NDUFS7: variants seen among roughly 807,000 people sequenced by gnomAD.
The protein encoded by NDUFS7 is NADH:ubiquinone oxidoreductase core subunit S7, also known as NADH dehydrogenase [ubiquinone] iron-sulfur protein 7, mitochondrial.
NDUFS7 carries 11 observed loss-of-function variants against 31.1 expected under a neutral mutation model. The ratio of observed to expected loss-of-function variants is 0.35; its 90% CI spans 0.22 to 0.59. NDUFS7 has a LOEUF of 0.59. Among genes scored for constraint, NDUFS7 ranks in the 20% least tolerant of loss-of-function variants. NDUFS7 has a pLI of 0.79. For synonymous variants in NDUFS7, 136 were observed against 127.9 expected (o/e 1.06, Z -0.43); for missense variants, 263 against 324.2 (o/e 0.81, Z 1.45).
At chr19:1,394,252 AC>A in intron 7 of NDUFS7, 1 of 710,216 alleles carries the variant, frequency 1.4e-6, no homozygotes, top group Non-Finnish European at 2.1e-6. Context: ...GGTTCAGGTC[AC>A]CCCGGGGGCA....
intron 2 of NDUFS7, 167 bp from the exon 3 acceptor site, chr19:1,388,358 C>T (rs914985407): frequency 8.9e-6 from 6 of 676,662 alleles, no homozygotes; most frequent in South Asian, 1.7e-5. Flanking sequence ...GGGGTCGGGG[C>T]GATGGCCGCA....
chr19:1,389,232 TGCACTCATGC>T (rs1387974281), intron 4 of NDUFS7: 2 of 664,656 alleles, frequency 3.0e-6, no homozygotes, highest in South Asian at 1.5e-5. Flanking sequence ...CATGCACACT[TGCACTCATGC>T]ACACTCATGC....
chr19:1,387,655 C>A (rs2082516363), intron 1 of NDUFS7, 156 bp from the exon 2 acceptor site: 6 of 701,598 alleles, frequency 8.6e-6, no homozygotes, highest in Non-Finnish European at 1.5e-5. Flanking sequence ...CTCTCGTGTT[C>A]TGAAAACCCC....
chr19:1,389,302 C>T (rs1022292150), intron 4 of NDUFS7: 4 of 538,244 alleles, frequency 7.4e-6, no homozygotes, highest in Non-Finnish European at 1.1e-5. Context: ...CACATATATG[C>T]ACAGTCATGC....
At chr19:1,387,533 G>T (rs1373678506) in intron 1 of NDUFS7, among the ~76,000 whole-genome samples, 2 of 152,228 alleles carry the variant, frequency 1.3e-5, no homozygotes. Context: ...CCAGTGCGGG[G>T]GCCCTGGCGC....
At chr19:1,395,218 G>T in intron 7 of NDUFS7, 173 bp from the exon 8 acceptor site, 2 of 1,430,332 alleles carry the variant, frequency 1.4e-6, no homozygotes, top group Non-Finnish European at 1.8e-6. Flanking sequence ...CTTCCTGCAG[G>T]GACCTCCCCT....
rs935816828 is a variant in NDUFS7 at position 1,394,447 on chromosome 19, C to T, written c.545-944C>T. 2.0e-5 allele frequency: 26 copies of T among 1,276,640 alleles called. No individual in the cohort carries two copies. The African/African-American group carries it at 3.8e-4, about 19-fold the overall frequency. The allele number at this position is 1,276,640 out of a possible 1,614,324, so 79.1% of individuals were successfully genotyped here. ...AGCTCCTCCCTCCCTGGGGACCGCG[C>T]TCCTCCCTCCCTGCGGACTGTGCTC... On this transcript the variant is annotated intron_variant, in intron 7 of 7. Coordinates refer to ENST00000233627, the MANE Select transcript of NDUFS7 (RefSeq NM_024407.5).
intron 1 of NDUFS7, among the ~76,000 whole-genome samples, chr19:1,385,794 G>C (rs2082503897): frequency 6.6e-6 from 1 of 152,196 alleles, no homozygotes; most frequent in Non-Finnish European, 1.5e-5. Flanking sequence ...ACTCCAGCCT[G>C]GGTGACAAGA....
chr19:1,392,238 G>C (rs1042382054), intron 6 of NDUFS7: 3 of 152,186 alleles, frequency 2.0e-5, no homozygotes, highest in Admixed American at 6.6e-5. Context: ...CTGCAGCCTT[G>C]ACCTCCTGGG....
chr19:1,389,083 TCA>T (rs1180301794), intron 4 of NDUFS7, 145 bp downstream of exon 4: 20 of 761,536 alleles, frequency 2.6e-5, no homozygotes, highest in Admixed American at 1.2e-4. Flanking sequence ...GCATGCAAGC[TCA>T]CATGTATGGA....
rs1352223547 is a variant in NDUFS7 at position 1,393,130 on chromosome 19, C to T, written c.456-112C>T. Reference sequence around the variant, plus strand: ...GCTTCTCCGTGACAAGTTCCAGCCTCGTAGGTGCCTGGCCTGCAGTTGAAG... The same window carrying T: ...GCTTCTCCGTGACAAGTTCCAGCCTTGTAGGTGCCTGGCCTGCAGTTGAAG... On this transcript the variant is annotated intron_variant, in intron 6 of 7. Coordinates refer to ENST00000233627, the MANE Select transcript of NDUFS7 (RefSeq NM_024407.5). This position sits in a 1 kb window ranked among gnomAD's most constrained non-coding sequence, Gnocchi z 7.3. 2 of 815,808 alleles carry T rather than the reference C, an allele frequency of 2.5e-6. No individual in the cohort carries two copies. The highest frequency in any genetic ancestry group is 1.7e-5 in the African/African-American group (1 of 58,246). The allele number at this position is 815,808 out of a possible 1,614,324, so 50.5% of individuals were successfully genotyped here. A position where few individuals can be genotyped will look rare whatever the true frequency, so the allele number is the denominator to read the frequency against.
At chr19:1,394,466 T>G in intron 7 of NDUFS7, 1 of 1,231,296 alleles carries the variant, frequency 8.1e-7, no homozygotes, top group Non-Finnish European at 1.0e-6. Flanking sequence ...CCCTGCGGAC[T>G]GTGCTCCCTG....
intron 3 of NDUFS7, 74 bp from the exon 4 acceptor site, chr19:1,388,759 G>T: frequency 1.3e-6 from 2 of 1,493,924 alleles, no homozygotes; most frequent in Non-Finnish European, 9.1e-7. Context: ...GGCAGCGGCC[G>T]TGGGGGCTCG....
chr19:1,385,890 A>G (rs1049542404), intron 1 of NDUFS7, among the ~76,000 whole-genome samples: 1 of 152,196 alleles, frequency 6.6e-6, no homozygotes, highest in Non-Finnish European at 1.5e-5. Flanking sequence ...AGGTTCTCAG[A>G]AGAGTATCTC....
rs564853946 is a variant in NDUFS7, at chr19:1,387,634, G to T, written c.17-177G>T. 1.5e-5 allele frequency: 10 copies of T among 659,448 alleles called. No homozygotes were observed. In the African/African-American group the frequency reaches 1.8e-4, roughly 12 times the overall value. The allele number at this position is 659,448 out of a possible 1,614,324, so 40.8% of individuals were successfully genotyped here. A position where few individuals can be genotyped will look rare whatever the true frequency, so the allele number is the denominator to read the frequency against. On this transcript the variant is annotated intron_variant, in intron 1 of 7. Coordinates refer to ENST00000233627, the MANE Select transcript of NDUFS7 (RefSeq NM_024407.5). ...CCGGGGCCATGCAGTCTCAAGCAGGGGACTAAGACTCTCTCGTGTTCTGAA... is the reference window on the plus strand; with the variant it reads ...CCGGGGCCATGCAGTCTCAAGCAGGTGACTAAGACTCTCTCGTGTTCTGAA...
chr19:1,388,241 C>T (rs1208019830), intron 2 of NDUFS7: 1 of 588,964 alleles, frequency 1.7e-6, no homozygotes, highest in East Asian at 2.8e-5. Context: ...GGAGGGCCTG[C>T]TGCCAGTTTC....
chr19:1,388,744 C>A (rs1273242326), intron 3 of NDUFS7, 89 bp from the exon 4 acceptor site: 10 of 1,463,206 alleles, frequency 6.8e-6, no homozygotes, highest in Non-Finnish European at 8.4e-6. Flanking sequence ...TGGGTCCAGG[C>A]CTCTGGCAGC....
chr19:1,393,827 A>G lies in NDUFS7; in HGVS notation c.544+497A>G. The G allele has an allele frequency of 3.0e-6, 1 of 334,942 alleles. No homozygotes were observed. Among genetic ancestry groups the G allele is most frequent in the Non-Finnish European group, 5.7e-6 (1 of 176,330 alleles). The allele number at this position is 334,942 out of a possible 1,614,324, so 20.7% of individuals were successfully genotyped here. A position where few individuals can be genotyped will look rare whatever the true frequency, so the allele number is the denominator to read the frequency against. ...AAACTGTTAGTAGTAATTGTTTAGTACGAGTATATCCCAACAATATTTGGG... is the reference window on the plus strand; with the variant it reads ...AAACTGTTAGTAGTAATTGTTTAGTGCGAGTATATCCCAACAATATTTGGG... On this transcript the variant is annotated intron_variant, in intron 7 of 7. Coordinates refer to ENST00000233627, the MANE Select transcript of NDUFS7 (RefSeq NM_024407.5). The surrounding 1 kb of genome is among the most constrained non-coding windows in gnomAD (Gnocchi z 7.3).
intron 4 of NDUFS7, 172 bp from the exon 5 acceptor site, chr19:1,390,699 C>A: frequency 1.5e-6 from 1 of 656,670 alleles, no homozygotes; most frequent in Non-Finnish European, 2.7e-6. Flanking sequence ...GTGGGGCGCG[C>A]TTTACAACTC....
Sources: allele counts gnomAD v4.1 joint callset (sites outside exome capture counted in the v4.1 genomes callset), GRCh38; gene constraint gnomAD v4.1.1; non-coding constraint Gnocchi (gnomAD v3.1); transcripts MANE v1.5; gene names NCBI Gene and HGNC (gene_info 2026-07-23, HGNC 2026-07-21).